NDUFAF2: variants seen among roughly 807,000 people sequenced by gnomAD.
NDUFAF2 encodes NADH:ubiquinone oxidoreductase complex assembly factor 2, also known as NADH dehydrogenase [ubiquinone] 1 alpha subcomplex assembly factor 2.
NDUFAF2 carries 13 observed loss-of-function variants against 22.8 expected under a neutral mutation model. The ratio of observed to expected loss-of-function variants is 0.57; its 90% CI spans 0.37 to 0.91. The LOEUF (loss-of-function observed/expected upper bound fraction) is 0.91. Among genes scored for constraint, NDUFAF2 ranks in the 40% least tolerant of loss-of-function variants. NDUFAF2 has a pLI of 0.01. For missense variants in NDUFAF2, 162 were observed against 195.2 expected (o/e 0.83, Z 1.01); for synonymous variants, 53 against 64.2 (o/e 0.83, Z 0.84).
chr5:61,143,968 G>A (rs1030825765), intron 3 of NDUFAF2, among the ~76,000 whole-genome samples: 1 of 116,552 alleles, frequency 8.6e-6, no homozygotes, highest in Non-Finnish European at 1.9e-5. Context: ...TTTTGTGTGT[G>A]TGTGTGTGTG....
At chr5:61,091,396 T>C (rs1752567331) in intron 2 of NDUFAF2, among the ~76,000 whole-genome samples, 1 of 152,184 alleles carries the variant, frequency 6.6e-6, no homozygotes, top group South Asian at 2.1e-4. Flanking sequence ...TGTGAGATGG[T>C]GTGATTTGCA....
intron 3 of NDUFAF2, among the ~76,000 whole-genome samples, chr5:61,112,888 C>T (rs200416464): frequency 1.4e-5 from 2 of 141,148 alleles, no homozygotes. Context: ...TTAGTTTATT[C>T]TTTTTTTTTT....
chr5:61,001,552 A>G (rs1406960472), intron 1 of NDUFAF2, among the ~76,000 whole-genome samples: 1 of 152,154 alleles, frequency 6.6e-6, no homozygotes, highest in Non-Finnish European at 1.5e-5. Context: ...TGTCTTTAAG[A>G]TACTGAATCC....
intron 1 of NDUFAF2, among the ~76,000 whole-genome samples, chr5:61,000,708 C>T (rs1032803028): frequency 4.6e-5 from 7 of 152,042 alleles, no homozygotes; most frequent in African/African-American, 7.2e-5. Flanking sequence ...GAATTTTCAC[C>T]TGGCTCCTTT....
chr5:60,956,106 G>T (rs916379740), intron 1 of NDUFAF2, among the ~76,000 whole-genome samples: 51 of 151,858 alleles, frequency 3.4e-4, no homozygotes, highest in Non-Finnish European at 1.2e-4. Context: ...TCACCATGTT[G>T]CCCAGGCTGG....
chr5:61,010,760 A>G (rs1401837601), intron 1 of NDUFAF2, among the ~76,000 whole-genome samples: 1 of 152,192 alleles, frequency 6.6e-6, no homozygotes, highest in Non-Finnish European at 1.5e-5. Context: ...ATATTGCCAT[A>G]TAGCAAATCA....
At position 60,949,661 on chromosome 5, in the gene NDUFAF2, G is replaced by C. The variant is rs1196029684; in HGVS notation, c.127+4279G>C. Among the ~76,000 whole-genome samples, 4 of 152,310 alleles carry C rather than the reference G, an allele frequency of 2.6e-5. No homozygotes were observed. In the East Asian group the frequency reaches 7.7e-4, roughly 29 times the overall value. Reference sequence around the variant, plus strand: ...CAAAGTATTTTTGCTACTCAAGAGAGACAAATTGGATAACGTAGCATTTAA... The same window carrying C: ...CAAAGTATTTTTGCTACTCAAGAGACACAAATTGGATAACGTAGCATTTAA... On this transcript the variant is annotated intron_variant, in intron 1 of 3. Transcript: ENST00000296597.
At chr5:61,048,031 C>T (rs886285267) in intron 1 of NDUFAF2, among the ~76,000 whole-genome samples, 3 of 152,182 alleles carry the variant, frequency 2.0e-5, no homozygotes, top group East Asian at 1.9e-4. Flanking sequence ...TGTTTCTTTT[C>T]GCATTTCCCT....
At chr5:61,084,700 C>T (rs1321498735) in intron 2 of NDUFAF2, among the ~76,000 whole-genome samples, 1 of 151,936 alleles carries the variant, frequency 6.6e-6, no homozygotes, top group Non-Finnish European at 1.5e-5. Context: ...ATATAGATAC[C>T]ACATGTTGTT....
chr5:61,033,276 G>T (rs1422549937), intron 1 of NDUFAF2, among the ~76,000 whole-genome samples: 1 of 152,048 alleles, frequency 6.6e-6, no homozygotes, highest in Non-Finnish European at 1.5e-5. Context: ...ACTTTAAAAA[G>T]TTGGGCTTAC....
At chr5:61,110,117 G>GC (rs1323067225) in intron 3 of NDUFAF2, among the ~76,000 whole-genome samples, 2 of 152,136 alleles carry the variant, frequency 1.3e-5, no homozygotes, top group Non-Finnish European at 2.9e-5. Flanking sequence ...TGCATATGTT[G>GC]AACCATCTTT....
intron 1 of NDUFAF2, among the ~76,000 whole-genome samples, chr5:60,985,985 A>G (rs570802941): frequency 6.6e-6 from 1 of 152,232 alleles, no homozygotes; most frequent in Non-Finnish European, 1.5e-5. Flanking sequence ...TGTCCAAAAG[A>G]CAGGCAACAA....
At chr5:61,045,978 G>T (rs956641778) in intron 1 of NDUFAF2, among the ~76,000 whole-genome samples, 2 of 152,024 alleles carry the variant, frequency 1.3e-5, no homozygotes, top group African/African-American at 4.8e-5. Context: ...ATTGTGTTGA[G>T]GTACATTTCT....
At chr5:61,085,849 T>C (rs1404519367) in intron 2 of NDUFAF2, among the ~76,000 whole-genome samples, 3 of 152,104 alleles carry the variant, frequency 2.0e-5, no homozygotes, top group Non-Finnish European at 2.9e-5. Context: ...GTGAGGTGGC[T>C]CATGGCTATA....
At chr5:61,115,181 T>C (rs1003217509) in intron 3 of NDUFAF2, 1 of 152,470 alleles carries the variant, frequency 6.6e-6, no homozygotes, top group African/African-American at 2.4e-5. Context: ...GTTCTCCCCA[T>C]GGCCACCACC....
intron 1 of NDUFAF2, among the ~76,000 whole-genome samples, chr5:61,067,029 T>A (rs1752236429): frequency 1.3e-5 from 2 of 152,158 alleles, no homozygotes; most frequent in South Asian, 4.1e-4. Context: ...TCATGAGGAC[T>A]GTTGGTAATA....
At chr5:61,058,526 T>C (rs1752126908) in intron 1 of NDUFAF2, among the ~76,000 whole-genome samples, 1 of 152,052 alleles carries the variant, frequency 6.6e-6, no homozygotes. Context: ...AAAATAGTTT[T>C]GTTAAAACTT....
intron 1 of NDUFAF2, among the ~76,000 whole-genome samples, chr5:61,037,920 T>A (rs886999296): frequency 6.6e-6 from 1 of 151,790 alleles, no homozygotes; most frequent in African/African-American, 2.4e-5. Flanking sequence ...TACAGGCACA[T>A]GGTGCAGGTC....
At chr5:61,121,767 C>A (rs1192297153) in intron 3 of NDUFAF2, among the ~76,000 whole-genome samples, 1 of 152,012 alleles carries the variant, frequency 6.6e-6, no homozygotes, top group Non-Finnish European at 1.5e-5. Context: ...AAAAAACATT[C>A]CCTCTAGGAG....
Sources: allele counts gnomAD v4.1 joint callset (sites outside exome capture counted in the v4.1 genomes callset), GRCh38; gene constraint gnomAD v4.1.1; transcripts MANE v1.5; gene names NCBI Gene and HGNC (gene_info 2026-07-23, HGNC 2026-07-21).